CYSLTR2: variants seen among roughly 807,000 people sequenced by gnomAD.
CYSLTR2 encodes the protein G-protein coupled receptor GPCR21.
For synonymous variants in CYSLTR2, 179 were observed against 160.8 expected, an observed-to-expected ratio of 1.11 and a Z score of -0.86; for missense variants, 398 against 411.9, an observed-to-expected ratio of 0.97 and a Z score of 0.29.
intron 1 of CYSLTR2, among the ~76,000 whole-genome samples, chr13:48,660,321 A>AACAC (rs1953097067): frequency 6.6e-6 from 1 of 152,186 alleles, no homozygotes. Context: ...ATAACAGTAG[A>AACAC]TCTGCCAGAA....
chr13:48,693,571 A>G (rs1460073053), intron 3 of CYSLTR2, 61 bp downstream of exon 3: 1 of 152,000 alleles, frequency 6.6e-6, no homozygotes, highest in African/African-American at 2.4e-5. Flanking sequence ...GAATAGAGGG[A>G]AAAAAAGAAA....
In CYSLTR2 at chr13:48,706,959, A is replaced by T. The variant is rs769899050; in HGVS notation, c.142A>T (p.Ile48Leu). 6.2e-7 allele frequency: 1 copy of T among 1,614,198 alleles called. No homozygotes were observed. The highest frequency in any genetic ancestry group is 1.1e-5 in the South Asian group (1 of 91,086). The change falls in exon 5 of 5, where the codon ATA (isoleucine) becomes TTA (leucine). Residue 48 changes from isoleucine (I) to leucine (L), a missense_variant. Ile to Leu is a conservative substitution (Grantham distance 5, BLOSUM62 2). Transcript: ENST00000682523. Reference sequence around the variant, plus strand: ...ATTTTTCCCAATTGTATATCTGATAATATTTTTCTGGGGAGTCTTGGGAAA... The same window carrying T: ...ATTTTTCCCAATTGTATATCTGATATTATTTTTCTGGGGAGTCTTGGGAAA... ...REFFPIVYLI[I>L]FFWGVLGNGL...
At chr13:48,682,766 G>A (rs1953790689) in intron 1 of CYSLTR2, among the ~76,000 whole-genome samples, 1 of 152,116 alleles carries the variant, frequency 6.6e-6, no homozygotes. Context: ...ACATGTGCAG[G>A]TTTGTTATAT....
chr13:48,684,798 C>T (rs1290967366), intron 1 of CYSLTR2, among the ~76,000 whole-genome samples: 1 of 151,944 alleles, frequency 6.6e-6, no homozygotes, highest in African/African-American at 2.4e-5. Flanking sequence ...TATGGTGGAC[C>T]CTAAGCCCAA....
Position 48,708,711 on chromosome 13 carries a change from G to A in CYSLTR2, c.*853G>A, listed in dbSNP as rs201118467. The A allele has an allele frequency of 2.4e-5, 4 of 167,046 alleles. No homozygotes were observed. The highest frequency in any genetic ancestry group is 7.2e-5 in the African/African-American group (3 of 41,448). 10.3% of individuals were successfully genotyped at this position (167,046 alleles called of 1,614,324 possible). On this transcript the variant is annotated 3_prime_UTR_variant, in exon 5 of 5. Coordinates refer to ENST00000682523, the MANE Select transcript of CYSLTR2 (RefSeq NM_001308476.3). Reference sequence around the variant, plus strand: ...TGGGATGGAAGCCAAAAATAAAAGAGGTGCCTCTGAGGATTAGGGTTGAGC... The same window carrying A: ...TGGGATGGAAGCCAAAAATAAAAGAAGTGCCTCTGAGGATTAGGGTTGAGC...
At chr13:48,697,342 G>A (rs545898444) in intron 4 of CYSLTR2, among the ~76,000 whole-genome samples, 2 of 152,250 alleles carry the variant, frequency 1.3e-5, no homozygotes, top group South Asian at 4.1e-4. Context: ...AGCAACATTT[G>A]CCGTTCTTCT....
intron 4 of CYSLTR2, among the ~76,000 whole-genome samples, chr13:48,705,499 T>C (rs540704333): frequency 5.0e-4 from 76 of 151,664 alleles, no homozygotes; most frequent in African/African-American, 1.8e-3. Context: ...TTGTTGGTTA[T>C]CTGAACACTT....
chr13:48,683,944 A>C (rs1031876872), intron 1 of CYSLTR2, among the ~76,000 whole-genome samples: 10 of 152,194 alleles, frequency 6.6e-5, no homozygotes, highest in Admixed American at 6.6e-5. Context: ...TTTTACAGAC[A>C]GTCTCACTCT....
In CYSLTR2 at chr13:48,707,191, G is replaced by A. The variant is rs1282192961; in HGVS notation, c.374G>A (p.Ser125Asn). ...SYSLYVNMYS[S>N]IYFLTVLSVV... Reference sequence around the variant, plus strand: ...TCCTTGTATGTCAACATGTACAGCAGTATTTATTTCCTGACCGTGCTGAGT... The same window carrying A: ...TCCTTGTATGTCAACATGTACAGCAATATTTATTTCCTGACCGTGCTGAGT... The change falls in exon 5 of 5, where the codon AGT becomes AAT. Residue 125 changes from serine to asparagine, a missense_variant. Ser to Asn is a conservative substitution (Grantham distance 46). Transcript: ENST00000682523. The A allele has an allele frequency of 6.2e-7, 1 of 1,614,188 alleles. No homozygotes were observed. The highest frequency in any genetic ancestry group is 8.5e-7 in the Non-Finnish European group (1 of 1,180,038).
chr13:48,706,909 G>A lies in CYSLTR2; in HGVS notation c.92G>A (p.Cys31Tyr), dbSNP rs200483129. ...TTCAGCAATAACAACAGCAGGAACT[G>A]CACAATTGAAAACTTCAAGAGAGAA... ...GTFSNNNSRN[C>Y]TIENFKREFF... The change falls in exon 5 of 5, where the codon TGC (cysteine) becomes TAC (tyrosine). Residue 31 changes from cysteine to tyrosine, a missense_variant. Physicochemically the swap from Cys to Tyr is radical, Grantham distance 194 (BLOSUM62 -2). Coordinates refer to ENST00000682523, the MANE Select transcript of CYSLTR2 (RefSeq NM_001308476.3). The A allele has an allele frequency of 2.5e-6, 4 of 1,614,024 alleles. No homozygotes were observed. Among genetic ancestry groups the A allele is most frequent in the Non-Finnish European group, 3.4e-6 (4 of 1,180,000 alleles).
At chr13:48,655,619 G>A (rs1005844758) in intron 1 of CYSLTR2, among the ~76,000 whole-genome samples, 3 of 152,220 alleles carry the variant, frequency 2.0e-5, no homozygotes, top group Non-Finnish European at 2.9e-5. Flanking sequence ...TTTTGACTCA[G>A]TGGAGAACAC....
At chr13:48,670,372 T>C (rs1300184305) in intron 1 of CYSLTR2, among the ~76,000 whole-genome samples, 1 of 152,246 alleles carries the variant, frequency 6.6e-6, no homozygotes, top group African/African-American at 2.4e-5. Context: ...TCCTGAATGA[T>C]ATAGCCTAGG....
At chr13:48,698,414 C>T (rs1471683979) in intron 4 of CYSLTR2, among the ~76,000 whole-genome samples, 1 of 152,142 alleles carries the variant, frequency 6.6e-6, no homozygotes, top group African/African-American at 2.4e-5. Context: ...TCATATCCAG[C>T]CAAACTAAGC....
chr13:48,683,812 G>C (rs542664225), intron 1 of CYSLTR2, among the ~76,000 whole-genome samples: 170 of 152,228 alleles, frequency 1.1e-3, no homozygotes, highest in Admixed American at 1.7e-3. Context: ...TTGCCAGACA[G>C]GGAACTAATT....
At chr13:48,684,003 C>A (rs1953829775) in intron 1 of CYSLTR2, among the ~76,000 whole-genome samples, 1 of 152,206 alleles carries the variant, frequency 6.6e-6, no homozygotes. Context: ...ATTGCCACCT[C>A]AAACTCCTGG....
At chr13:48,665,323 T>C (rs1195801461) in intron 1 of CYSLTR2, among the ~76,000 whole-genome samples, 1 of 152,132 alleles carries the variant, frequency 6.6e-6, no homozygotes, top group African/African-American at 2.4e-5. Context: ...TAAATGTCTG[T>C]TAGGTCCATC....
chr13:48,667,143 C>G (rs1345327876), intron 1 of CYSLTR2, among the ~76,000 whole-genome samples: 1 of 152,086 alleles, frequency 6.6e-6, no homozygotes, highest in East Asian at 1.9e-4. Context: ...TTAGTGTAGT[C>G]TTCATGTGGT....
At chr13:48,677,718 A>T (rs891054944) in intron 1 of CYSLTR2, among the ~76,000 whole-genome samples, 1 of 152,178 alleles carries the variant, frequency 6.6e-6, no homozygotes, top group African/African-American at 2.4e-5. Flanking sequence ...AACCTTTTGC[A>T]GTAGCTGCAG....
At chr13:48,691,634 A>G (rs1404179128) in intron 2 of CYSLTR2, among the ~76,000 whole-genome samples, 1 of 152,094 alleles carries the variant, frequency 6.6e-6, no homozygotes, top group Non-Finnish European at 1.5e-5. Context: ...GATGAGTCCC[A>G]TGTCATTGAG....
Sources: gnomAD v4.1 joint callset for allele counts (sites outside exome capture counted in the v4.1 genomes callset) on GRCh38, gnomAD v4.1.1 for gene constraint, MANE v1.5 for transcripts, NCBI Gene and HGNC (gene_info 2026-07-23, HGNC 2026-07-21) for gene names.